The following SNX25 variants were observed in gnomAD, a reference collection of about 807,000 sequenced individuals.
The protein encoded by SNX25 is sorting nexin-25.
Under a neutral mutation model 113.7 loss-of-function variants are expected in SNX25, and 62 were observed. The observed-to-expected ratio is 0.55, with a 90% CI of 0.44 to 0.67. SNX25 has a LOEUF of 0.67. SNX25 is among the 30% of genes least tolerant of loss of function. The probability of loss-of-function intolerance (pLI) is 0.00; values close to 1 mark genes in which losing one functional copy is unlikely to be tolerated. For synonymous variants in SNX25, 421 were observed against 436.2 expected (o/e 0.97, Z 0.43); for missense variants, 1,014 against 1,161.0 (o/e 0.87, Z 1.84).
At chr4:185,307,059 G>A (rs1233160860) in intron 6 of SNX25, among the ~76,000 whole-genome samples, 2 of 152,244 alleles carry the variant, frequency 1.3e-5, no homozygotes, top group African/African-American at 4.8e-5. Flanking sequence ...GTATTGACCT[G>A]AGGCCTGCCT....
At chr4:185,208,733 GAAAAA>G (rs1579287155), upstream of SNX25, among the ~76,000 whole-genome samples, 1 of 148,888 alleles carries the variant, frequency 6.7e-6, no homozygotes, top group Admixed American at 6.7e-5. Context: ...CAAAAAAAAA[GAAAAA>G]AAGAAAGAAA....
intron 1 of SNX25, among the ~76,000 whole-genome samples, chr4:185,236,654 TGA>T (rs879371636): frequency 2.6e-5 from 4 of 152,184 alleles, no homozygotes; most frequent in Non-Finnish European, 5.9e-5. Context: ...GATAAAATAC[TGA>T]GTGTAAACAG....
At chr4:185,212,491 G>GTGTTTGTTTTT (rs546083196) in intron 1 of SNX25, among the ~76,000 whole-genome samples, 21 of 104,932 alleles carry the variant, frequency 2.0e-4, no homozygotes, top group East Asian at 1.1e-3. Flanking sequence ...GTGTGTGTGT[G>GTGTTTGTTTTT]TTTTTTTTTT....
At chr4:185,279,367 A>G (rs750674287) in intron 5 of SNX25, among the ~76,000 whole-genome samples, 25 of 152,062 alleles carry the variant, frequency 1.6e-4, no homozygotes, top group Non-Finnish European at 3.2e-4. Flanking sequence ...ATAATTTTCT[A>G]CATGTGCTAT....
upstream of SNX25, among the ~76,000 whole-genome samples, chr4:185,206,818 C>T (rs114140568): frequency 1.8e-3 from 271 of 152,264 alleles, 1 homozygote; most frequent in African/African-American, 6.3e-3. Flanking sequence ...CACCCTTCGC[C>T]GGCTGGAGAG....
At chr4:185,371,977 C>T (rs1411765910), downstream of SNX25, among the ~76,000 whole-genome samples, 1 of 152,158 alleles carries the variant, frequency 6.6e-6, no homozygotes, top group Non-Finnish European at 1.5e-5. Flanking sequence ...CCAGGTCTGT[C>T]TCCCCGACCC....
chr4:185,286,752 TCTGA>T (rs1384003498), intron 5 of SNX25, among the ~76,000 whole-genome samples: 12 of 152,228 alleles, frequency 7.9e-5, no homozygotes, highest in African/African-American at 2.7e-4. Flanking sequence ...TGCCACCATC[TCTGA>T]CTGGCATGCC....
rs1215301207 is a variant in SNX25 at position 185,295,558 on chromosome 4, TCC to T, written c.1162+7478_1162+7479del. On this transcript the variant is annotated intron_variant, in intron 6 of 18. Transcript: ENST00000652585. ...TTGACCTCCCGGGTTCAAGTGATCC[TCC>T]CACCTCAGCTTCCCGAGTAGCTGGG... 1.1e-4 allele frequency among the ~76,000 whole-genome samples: 16 copies of T among 151,430 alleles called. No individual in the cohort carries two copies. The East Asian group carries it at 3.2e-3, about 30-fold the overall frequency.
intron 6 of SNX25, among the ~76,000 whole-genome samples, chr4:185,295,138 A>C (rs1560979512): frequency 6.6e-6 from 1 of 152,230 alleles, no homozygotes. Context: ...AAATCTCCCC[A>C]AAATATAATT....
At chr4:185,283,132 GTTACA>G (rs1232599941) in intron 5 of SNX25, among the ~76,000 whole-genome samples, 1 of 152,182 alleles carries the variant, frequency 6.6e-6, no homozygotes, top group African/African-American at 2.4e-5. Flanking sequence ...AGATGAACTG[GTTACA>G]CTCCTTGGAT....
chr4:185,208,996 A>AAAAAC (rs781325338), upstream of SNX25, among the ~76,000 whole-genome samples: 11 of 152,290 alleles, frequency 7.2e-5, no homozygotes, highest in South Asian at 6.2e-4. Context: ...GTAAAAAACA[A>AAAAAC]AAAACAAAAC....
chr4:185,230,279 AATATT>A (rs1295700468), intron 1 of SNX25, among the ~76,000 whole-genome samples: 8 of 152,224 alleles, frequency 5.3e-5, no homozygotes, highest in Non-Finnish European at 1.0e-4. Flanking sequence ...ATACAAATGA[AATATT>A]ATAATTATCA....
chr4:185,319,141 C>T (rs2095099312), intron 7 of SNX25, among the ~76,000 whole-genome samples: 1 of 141,638 alleles, frequency 7.1e-6, no homozygotes, highest in African/African-American at 2.6e-5. Context: ...TATTCATACA[C>T]ATGCTGGAAT....
At chr4:185,270,541 G>A (rs1579559373) in intron 5 of SNX25, among the ~76,000 whole-genome samples, 1 of 152,168 alleles carries the variant, frequency 6.6e-6, no homozygotes. Context: ...TATAATTCAC[G>A]TACCATAGAA....
chr4:185,258,376 C>T (rs553910970), intron 2 of SNX25, among the ~76,000 whole-genome samples: 2 of 152,324 alleles, frequency 1.3e-5, no homozygotes, highest in South Asian at 4.1e-4. Context: ...GCCCCTTCCT[C>T]CTCCAGTTGC....
chr4:185,335,244 C>G (rs116442617), intron 10 of SNX25, among the ~76,000 whole-genome samples: 1 of 151,434 alleles, frequency 6.6e-6, no homozygotes, highest in African/African-American at 2.4e-5. Flanking sequence ...CACTTGAACC[C>G]GTGAAGTGGA....
At chr4:185,306,512 G>A (rs1334260991) in intron 6 of SNX25, among the ~76,000 whole-genome samples, 1 of 152,190 alleles carries the variant, frequency 6.6e-6, no homozygotes, top group African/African-American at 2.4e-5. Context: ...TCTAGGTTTT[G>A]TCCTTTTAGA....
intron 10 of SNX25, among the ~76,000 whole-genome samples, chr4:185,337,606 T>C (rs576387314): frequency 6.6e-6 from 1 of 152,202 alleles, no homozygotes; most frequent in Non-Finnish European, 1.5e-5. Context: ...CTTTTTGGTA[T>C]ATACCTAGTA....
At chr4:185,237,889 C>T (rs370191511) in intron 1 of SNX25, among the ~76,000 whole-genome samples, 111 of 151,338 alleles carry the variant, frequency 7.3e-4, no homozygotes, top group African/African-American at 2.4e-3. Context: ...ATGGAGAAAC[C>T]CCGTCTCTAC....
Sources: allele counts gnomAD v4.1 joint callset (sites outside exome capture counted in the v4.1 genomes callset), GRCh38; gene constraint gnomAD v4.1.1; transcripts MANE v1.5; gene names NCBI Gene and HGNC (gene_info 2026-07-23, HGNC 2026-07-21).